Variants in HMGCL observed in about 807,000 individuals in gnomAD.
The protein encoded by HMGCL is hydroxymethylglutaryl-CoA lyase, mitochondrial.
In HMGCL, 26 loss-of-function variants were observed where a neutral mutation model predicts 37.3. That is an observed-to-expected ratio of 0.70 (90% confidence interval 0.51 to 0.97). The LOEUF (loss-of-function observed/expected upper bound fraction) is 0.97. Among genes scored for constraint, HMGCL ranks in the 50% least tolerant of loss-of-function variants. HMGCL has a pLI of 0.00. For synonymous variants in HMGCL, 151 were observed against 148.0 expected, an observed-to-expected ratio of 1.02 and a Z score of -0.15; for missense variants, 379 against 398.1, an observed-to-expected ratio of 0.95 and a Z score of 0.41.
At position 23,806,076 on chromosome 1, in the gene HMGCL, C is replaced by A. The variant is rs1221044196; in HGVS notation, c.751-1551G>T. Among the ~76,000 whole-genome samples, 1 of 152,114 alleles carries A rather than the reference C, an allele frequency of 6.6e-6. No homozygotes were observed. The highest frequency in any genetic ancestry group is 2.1e-4 in the South Asian group (1 of 4,824). ...AAGTGATTCTCATGCCTCAGCCTCGCAAATAGCTGGGATTACAGGCTCACG... is the reference window on the plus strand; with the variant it reads ...AAGTGATTCTCATGCCTCAGCCTCGAAAATAGCTGGGATTACAGGCTCACG... On this transcript the variant is annotated intron_variant, in intron 7 of 8. Transcript: ENST00000374490. The surrounding 1 kb of genome is among the most constrained non-coding windows in gnomAD (Gnocchi z 4.0).
In HMGCL at chr1:23,814,295, G is replaced by A. The variant is rs1570650181; in HGVS notation, c.392C>T (p.Ser131Leu). Residue 131 changes from serine to leucine, a missense_variant, in exon 5 of 9, where the codon TCA (serine) becomes TTA (leucine). Coordinates refer to ENST00000374490, the MANE Select transcript of HMGCL (RefSeq NM_000191.3). The part of the protein sequence containing the change: ...AKEVVIFGAA[S>L]ELFTKKNINC... ...GATGTTCTTCTTGGTGAAGAGCTCTGAGGCAGCTCCAAAGATGACTACTTC... is the reference window on the plus strand; with the variant it reads ...GATGTTCTTCTTGGTGAAGAGCTCTAAGGCAGCTCCAAAGATGACTACTTC... 4.3e-6 allele frequency: 7 copies of A among 1,613,704 alleles called. No individual in the cohort carries two copies. The highest frequency in any genetic ancestry group is 5.1e-6 in the Non-Finnish European group (6 of 1,179,932).
intron 6 of HMGCL, chr1:23,810,350 A>G (rs1357360793): frequency 3.7e-6 from 1 of 269,698 alleles, no homozygotes; most frequent in Non-Finnish European, 7.4e-6. Context: ...CTCAATTCCC[A>G]TGCCATGTTC....
At chr1:23,803,128 G>A (rs1002205668) in intron 8 of HMGCL, among the ~76,000 whole-genome samples, 9 of 152,184 alleles carry the variant, frequency 5.9e-5, no homozygotes, top group Admixed American at 2.6e-4. Flanking sequence ...TCTGCCTCCC[G>A]GGTTCAAGTG....
intron 1 of HMGCL, among the ~76,000 whole-genome samples, chr1:23,824,938 G>C (rs375630259): frequency 1.5e-4 from 23 of 152,282 alleles, no homozygotes; most frequent in Admixed American, 1.0e-3. Flanking sequence ...CGGTAGGCTG[G>C]GATAGTTCCC....
At position 23,825,335 on chromosome 1, in the gene HMGCL, T is replaced by G. The variant is rs1261446191; in HGVS notation, c.60+21A>C. The G allele has an allele frequency of 3.2e-6, 5 of 1,547,114 alleles. No homozygotes were observed. The South Asian group carries it at 5.9e-5, about 18-fold the overall frequency. ...TCAGAGTGCCTGCAGGGCCGCCGCC[T>G]CGGCGGCTCGGGGCACTTACAGCCC... On this transcript the variant is annotated intron_variant, in intron 1 of 8. Coordinates refer to ENST00000374490, the MANE Select transcript of HMGCL (RefSeq NM_000191.3).
At chr1:23,817,107 A>T (rs1219121726) in intron 3 of HMGCL, among the ~76,000 whole-genome samples, 1 of 152,224 alleles carries the variant, frequency 6.6e-6, no homozygotes, top group Non-Finnish European at 1.5e-5. Flanking sequence ...CCTTTGTAAC[A>T]GGATGTTTCT....
In HMGCL at chr1:23,808,224, C is replaced by G. The variant is rs745624801; in HGVS notation, c.661G>C (p.Val221Leu). The G allele has an allele frequency of 6.2e-7, 1 of 1,613,898 alleles. No homozygotes were observed. The highest frequency in any genetic ancestry group is 1.7e-5 in the Admixed American group (1 of 59,996). Reference protein sequence around the residue: ...PGIMKDMLSAVMQEVPLAALA... With the variant: ...PGIMKDMLSALMQEVPLAALA... Reference sequence around the variant, plus strand: ...GCAGCCAGAGGCACTTCCTGCATGACAGCAGATAGCATGTCTTTCATGATC... The same window carrying G: ...GCAGCCAGAGGCACTTCCTGCATGAGAGCAGATAGCATGTCTTTCATGATC... Residue 221 changes from valine to leucine, a missense_variant, in exon 7 of 9, where the codon GTC (valine) becomes CTC (leucine). By Grantham distance (32) the Val-to-Leu change is conservative (BLOSUM62 1). Transcript: ENST00000374490.
At chr1:23,820,638 C>T (rs1409587549) in intron 1 of HMGCL, 45 bp from the exon 2 acceptor site, 1 of 1,312,218 alleles carries the variant, frequency 7.6e-7, no homozygotes, top group South Asian at 1.2e-5. Context: ...AAGAGATTGC[C>T]ACAATTCCCA....
chr1:23,816,602 GC>G (rs1638617804), intron 4 of HMGCL, 72 bp downstream of exon 4: 1 of 934,106 alleles, frequency 1.1e-6, no homozygotes. Context: ...GGGGACTGAG[GC>G]GCCAAGACAA....
At chr1:23,818,522 C>A (rs1638655249) in intron 2 of HMGCL, among the ~76,000 whole-genome samples, 2 of 152,092 alleles carry the variant, frequency 1.3e-5, no homozygotes, top group African/African-American at 2.4e-5. Context: ...TCTCCAGTTT[C>A]TCTCCCACTG....
Position 23,802,325 on chromosome 1 carries a change from G to C in HMGCL, c.*138C>G. ...CCTGCCCTTCGCCTGCTTTCTGCCA[G>C]GAGAGACCTCTGTGTAGAGCTGGCT... On this transcript the variant is annotated 3_prime_UTR_variant, in exon 9 of 9. Transcript: ENST00000374490. 2 of 725,066 alleles carry C rather than the reference G, an allele frequency of 2.8e-6. No individual in the cohort carries two copies. Among genetic ancestry groups the C allele is most frequent in the Non-Finnish European group, 5.0e-6 (2 of 399,196 alleles). The allele number at this position is 725,066 out of a possible 1,614,324, so 44.9% of individuals were successfully genotyped here.
rs1638698938 is a variant in HMGCL, at chr1:23,820,516, A to AT, written c.137dup (p.Asn46LysfsTer2). Reference sequence around the variant, plus strand: ...GGCTCATTTCCAACTTTACCTTTTCATTTTGTAGTCCATCTCGGGGACCAA... The same window carrying AT: ...GGCTCATTTCCAACTTTACCTTTTCATTTTTGTAGTCCATCTCGGGGACCAA... On this transcript the variant is annotated frameshift_variant, in exon 2 of 9. Transcript: ENST00000374490. LOFTEE classifies it high-confidence loss of function. 3 of 1,613,014 alleles carry AT rather than the reference A, an allele frequency of 1.9e-6. No homozygotes were observed. The highest frequency in any genetic ancestry group is 2.5e-6 in the Non-Finnish European group (3 of 1,179,034).
chr1:23,805,774 C>T (rs772898176), intron 7 of HMGCL, among the ~76,000 whole-genome samples: 67 of 152,178 alleles, frequency 4.4e-4, no homozygotes, highest in Non-Finnish European at 9.1e-4. Flanking sequence ...CAGGTTAACA[C>T]ACCTGCCTAT....
In HMGCL at chr1:23,801,892, G is replaced by A. The variant is rs1638283408; in HGVS notation, c.*571C>T. The A allele has an allele frequency of 2.4e-6, 1 of 416,030 alleles. No individual in the cohort carries two copies. The highest frequency in any genetic ancestry group is 4.3e-6 in the Non-Finnish European group (1 of 234,876). The allele number at this position is 416,030 out of a possible 1,614,324, so 25.8% of individuals were successfully genotyped here. A position where few individuals can be genotyped will look rare whatever the true frequency, so the allele number is the denominator to read the frequency against. On this transcript the variant is annotated 3_prime_UTR_variant, in exon 9 of 9. Coordinates refer to ENST00000374490, the MANE Select transcript of HMGCL (RefSeq NM_000191.3). ...CACAACCGAATGCTGGAATTATGAT[G>A]TGCCATTCAACCTTTAATTACATAA... is the stretch of plus-strand genomic sequence containing the variant.
In HMGCL at chr1:23,825,353, T is replaced by C. The variant is rs767732219; in HGVS notation, c.60+3A>G. On this transcript the variant is annotated splice_donor_region_variant and intron_variant, in intron 1 of 8. Transcript: ENST00000374490. ...CGCCGCCTCGGCGGCTCGGGGCACT[T>C]ACAGCCCGGAGGGACGCCAAGCCCA... The C allele has an allele frequency of 1.3e-6, 2 of 1,556,434 alleles. No homozygotes were observed. The highest frequency in any genetic ancestry group is 1.7e-6 in the Non-Finnish European group (2 of 1,150,652).
rs1159518647 is a variant in HMGCL, at chr1:23,802,317, T to G, written c.*146A>C. 1 of 701,344 alleles carries G rather than the reference T, an allele frequency of 1.4e-6. No individual in the cohort carries two copies. Among genetic ancestry groups the G allele is most frequent in the East Asian group, 2.6e-5 (1 of 38,584 alleles). 43.4% of individuals were successfully genotyped at this position (701,344 alleles called of 1,614,324 possible). On this transcript the variant is annotated 3_prime_UTR_variant, in exon 9 of 9. Transcript: ENST00000374490. ...CAGCTCCTCCTGCCCTTCGCCTGCT[T>G]TCTGCCAGGAGAGACCTCTGTGTAG...
chr1:23,803,859 G>C (rs781681968), intron 8 of HMGCL: 2 of 153,644 alleles, frequency 1.3e-5, no homozygotes, highest in Non-Finnish European at 2.9e-5. Flanking sequence ...TCCCTGGTGA[G>C]CTGTCTAACG....
At position 23,804,411 on chromosome 1, in the gene HMGCL, C is replaced by G. The variant is rs367927624; in HGVS notation, c.865G>C (p.Gly289Arg). 1.2e-6 allele frequency: 2 copies of G among 1,614,094 alleles called. No individual in the cohort carries two copies. ...EDLVYMLEGLGIHTGVNLQKL... is the reference protein window; with the variant it reads ...EDLVYMLEGLRIHTGVNLQKL... ...GTGGGTGGGCTTACCGTGTGAATGC[C>G]CAAGCCCTCTAGCATGTAGACCAGG... Residue 289 changes from glycine (G) to arginine (R), a missense_variant, in exon 8 of 9, where the codon GGC becomes CGC. Coordinates refer to ENST00000374490, the MANE Select transcript of HMGCL (RefSeq NM_000191.3).
In HMGCL at chr1:23,806,676, ATGTT is replaced by A. The variant is rs1293388858; in HGVS notation, c.750+1455_750+1458del. The A allele has an allele frequency of 9.6e-6, 3 of 311,584 alleles. No individual in the cohort carries two copies. Among genetic ancestry groups the A allele is most frequent in the East Asian group, 1.7e-4 (2 of 11,874 alleles). 19.3% of individuals were successfully genotyped at this position (311,584 alleles called of 1,614,324 possible). ...TGTTTATGAACACCTGGCCTGCTGT[ATGTT>A]TGTTTATTTATTATCTGTCTCATAG... On this transcript the variant is annotated intron_variant, in intron 7 of 8. Coordinates refer to ENST00000374490, the MANE Select transcript of HMGCL (RefSeq NM_000191.3). This position sits in a 1 kb window ranked among gnomAD's most constrained non-coding sequence, Gnocchi z 4.0.
Sources: allele counts gnomAD v4.1 joint callset (sites outside exome capture counted in the v4.1 genomes callset), GRCh38; gene constraint gnomAD v4.1.1; non-coding constraint Gnocchi (gnomAD v3.1); transcripts MANE v1.5; gene names NCBI Gene and HGNC (gene_info 2026-07-23, HGNC 2026-07-21).